Variants in SEC24B observed in about 807,000 individuals in gnomAD.
SEC24B encodes SEC24 homolog B, COPII component.
In SEC24B, 45 loss-of-function variants were observed where a neutral mutation model predicts 142.8. The observed-to-expected ratio is 0.32, with a 90% CI of 0.25 to 0.40. The LOEUF (loss-of-function observed/expected upper bound fraction) is 0.40. Ranked by LOEUF, SEC24B falls within the 10% of genes least tolerant of loss-of-function variation. The pLI, the probability that SEC24B is intolerant of heterozygous loss-of-function variation, is 1.00. For missense variants in SEC24B, 1,409 were observed against 1,526.8 expected (o/e 0.92, Z 1.29); for synonymous variants, 574 against 568.2 (o/e 1.01, Z -0.15).
intron 2 of SEC24B, among the ~76,000 whole-genome samples, chr4:109,472,343 C>G (rs542096613): frequency 6.6e-6 from 1 of 152,266 alleles, no homozygotes; most frequent in Non-Finnish European, 1.5e-5. Flanking sequence ...CAACCGGGAA[C>G]GATTTTGCCT....
At chr4:109,450,723 A>G (rs1178407936) in intron 1 of SEC24B, 6 of 145,028 alleles carry the variant, frequency 4.1e-5, no homozygotes, top group Non-Finnish European at 3.0e-5. Context: ...GCTTACTCTC[A>G]CCTGCATCAA....
intron 4 of SEC24B, among the ~76,000 whole-genome samples, chr4:109,483,008 T>TCACACACACAC (rs1561117198): frequency 7.2e-5 from 6 of 82,870 alleles, no homozygotes; most frequent in African/African-American, 3.8e-4. Context: ...ACACACATAT[T>TCACACACACAC]ATACATATGT....
chr4:109,499,003 G>A (rs1230818818), intron 6 of SEC24B, among the ~76,000 whole-genome samples: 1 of 152,128 alleles, frequency 6.6e-6, no homozygotes, highest in African/African-American at 2.4e-5. Flanking sequence ...ATACTATATA[G>A]CTTTTAAAAA....
At chr4:109,500,994 A>G (rs963693560) in intron 6 of SEC24B, among the ~76,000 whole-genome samples, 2 of 152,110 alleles carry the variant, frequency 1.3e-5, no homozygotes, top group African/African-American at 2.4e-5. Context: ...TAAAGCCTAA[A>G]TGTGTGTGTT....
chr4:109,497,144 A>G (rs931258068), intron 6 of SEC24B, among the ~76,000 whole-genome samples: 2 of 152,232 alleles, frequency 1.3e-5, no homozygotes, highest in East Asian at 1.9e-4. Context: ...CTTTTGCACT[A>G]CAGTAGTACA....
chr4:109,449,283 G>C (rs762840789), intron 1 of SEC24B: 9 of 331,750 alleles, frequency 2.7e-5, no homozygotes, highest in African/African-American at 1.1e-4. Context: ...GAGTATAGTG[G>C]CTCAATCATG....
intron 6 of SEC24B, among the ~76,000 whole-genome samples, chr4:109,500,544 T>TA (rs749051623): frequency 0.016 from 1,648 of 101,066 alleles, 23 homozygotes; most frequent in Middle Eastern, 0.07. Flanking sequence ...GACTCCATCT[T>TA]AAAAAAAAAA....
Position 109,485,412 on chromosome 4 carries a change from T to C in SEC24B, c.1165+3631T>C, listed in dbSNP as rs531974098. Reference sequence around the variant, plus strand: ...AGAAAAGTATGAAAAAGAAGGTGTCTTCCTATCTAGTGAGAGAACATAAAC... The same window carrying C: ...AGAAAAGTATGAAAAAGAAGGTGTCCTCCTATCTAGTGAGAGAACATAAAC... On this transcript the variant is annotated intron_variant, in intron 4 of 23. Transcript: ENST00000265175. Among the ~76,000 whole-genome samples the C allele has an allele frequency of 1.3e-4, 20 of 152,324 alleles. No homozygotes were observed. In the South Asian group the frequency reaches 1.9e-3, roughly 14 times the overall value.
intron 3 of SEC24B, among the ~76,000 whole-genome samples, chr4:109,475,057 A>G (rs1162514981): frequency 1.3e-5 from 2 of 152,186 alleles, no homozygotes; most frequent in African/African-American, 2.4e-5. Flanking sequence ...TTTAACTCAG[A>G]TCTCTCTATC....
rs757626985 is a variant in SEC24B, at chr4:109,516,539, T to G, written c.2025T>G (p.Pro675=). The G allele has an allele frequency of 1.2e-6, 2 of 1,609,386 alleles. No homozygotes were observed. The highest frequency in any genetic ancestry group is 2.2e-5 in the South Asian group (2 of 90,168). The change falls in exon 11 of 24, where the codon CCT becomes CCG. Residue 675 remains proline, a synonymous_variant. Coordinates refer to ENST00000265175, the MANE Select transcript of SEC24B (RefSeq NM_006323.5). ...TTTATTCCTTTCAGCTGCGTCCTCC[T>G]CAACCTGCAGTTTACTTGTTTGTTT... The part of the protein sequence containing the change: ...IASSDYMLRP[P]QPAVYLFVLD...
chr4:109,481,750 T>C lies in SEC24B; in HGVS notation c.1134T>C (p.Asp378=). The change falls in exon 4 of 24, where the codon GAT becomes GAC. Residue 378 remains aspartate, a synonymous_variant. Transcript: ENST00000265175. ...APTPLSSTSD[D]EEEEEEDEEA... Reference sequence around the variant, plus strand: ...CTCCCTTGTCATCAACTTCCGATGATGAGGAAGAGGAGGAGGAGGATGAGG... The same window carrying C: ...CTCCCTTGTCATCAACTTCCGATGACGAGGAAGAGGAGGAGGAGGATGAGG... 1 of 1,613,830 alleles carries C rather than the reference T, an allele frequency of 6.2e-7. No homozygotes were observed. The highest frequency in any genetic ancestry group is 8.5e-7 in the Non-Finnish European group (1 of 1,179,774).
At position 109,447,931 on chromosome 4, in the gene SEC24B, T is replaced by C. The variant is rs149626585; in HGVS notation, c.133+13929T>C. 5.3e-3 allele frequency among the ~76,000 whole-genome samples: 804 copies of C among 152,354 alleles called. 35 individuals are homozygous for C. In the South Asian group the frequency reaches 0.079, roughly 15 times the overall value. On this transcript the variant is annotated intron_variant, in intron 1 of 23. Transcript: ENST00000265175. ...TTTCTTGCCTTTGTCAGCTAGCTTCTGGATGCTGCCCACATTCCTTGGTCC... is the reference window on the plus strand; with the variant it reads ...TTTCTTGCCTTTGTCAGCTAGCTTCCGGATGCTGCCCACATTCCTTGGTCC...
At chr4:109,482,463 G>A (rs1213833780) in intron 4 of SEC24B, among the ~76,000 whole-genome samples, 1 of 151,956 alleles carries the variant, frequency 6.6e-6, no homozygotes, top group Admixed American at 6.6e-5. Flanking sequence ...GAAATGCTTG[G>A]GGCCAGAGTG....
At chr4:109,492,084 T>C (rs1735077648) in intron 5 of SEC24B, among the ~76,000 whole-genome samples, 1 of 152,072 alleles carries the variant, frequency 6.6e-6, no homozygotes. Flanking sequence ...TTTGCCCTTC[T>C]TTTTATTTCT....
At chr4:109,499,385 T>A (rs1735870329) in intron 6 of SEC24B, among the ~76,000 whole-genome samples, 1 of 152,174 alleles carries the variant, frequency 6.6e-6, no homozygotes, top group African/African-American at 2.4e-5. Flanking sequence ...AAGCTTGGTG[T>A]GCTTCTGTGA....
chr4:109,525,919 TAAC>T (rs1724171880), intron 16 of SEC24B, among the ~76,000 whole-genome samples: 1 of 152,182 alleles, frequency 6.6e-6, no homozygotes, highest in African/African-American at 2.4e-5. Context: ...AGTTATATAA[TAAC>T]CCTCATTTGC....
At position 109,463,450 on chromosome 4, in the gene SEC24B, C is replaced by T. The variant is rs779320948; in HGVS notation, c.683C>T (p.Ser228Phe). 3 of 1,614,194 alleles carry T rather than the reference C, an allele frequency of 1.9e-6. No individual in the cohort carries two copies. The highest frequency in any genetic ancestry group is 1.1e-5 in the South Asian group (1 of 91,090). The change falls in exon 2 of 24, where the codon TCT becomes TTT. Residue 228 changes from serine to phenylalanine, a missense_variant. Physicochemically the swap from Ser to Phe is radical, Grantham distance 155. This residue lies in a region of SEC24B where 709 missense variants were observed against 673.5 expected (regional missense o/e 1.05). Transcript: ENST00000265175. ...TVRPVKDNSFSGQNTAISHPS... is the reference protein window; with the variant it reads ...TVRPVKDNSFFGQNTAISHPS... ...AGGCCAGTTAAAGATAATTCATTCT[C>T]TGGTCAAAATACAGCTATCAGCCAT...
intron 1 of SEC24B, among the ~76,000 whole-genome samples, chr4:109,444,513 C>A (rs1729257209): frequency 1.4e-5 from 2 of 138,576 alleles, no homozygotes; most frequent in South Asian, 2.3e-4. Flanking sequence ...ACTAGACTTG[C>A]ATGAAATATT....
intron 1 of SEC24B, among the ~76,000 whole-genome samples, chr4:109,445,366 C>T (rs1729350538): frequency 6.7e-6 from 1 of 149,280 alleles, no homozygotes; most frequent in Non-Finnish European, 1.5e-5. Flanking sequence ...GCCTCAGCCT[C>T]CCAAGCAGCT....
Sources: allele counts gnomAD v4.1 joint callset (sites outside exome capture counted in the v4.1 genomes callset), GRCh38; gene constraint gnomAD v4.1.1; regional missense constraint gnomAD v4.1.1; transcripts MANE v1.5; gene names NCBI Gene and HGNC (gene_info 2026-07-23, HGNC 2026-07-21).